The following SIN3B variants were observed in gnomAD, a reference collection of about 807,000 sequenced individuals.
SIN3B encodes the protein paired amphipathic helix protein Sin3b.
In SIN3B, 19 loss-of-function variants were observed where a neutral mutation model predicts 120.2. The ratio of observed to expected loss-of-function variants is 0.16; its 90% CI spans 0.11 to 0.23. The LOEUF is 0.23. SIN3B is among the 10% of genes least tolerant of loss of function. The pLI, the probability that SIN3B is intolerant of heterozygous loss-of-function variation, is 1.00. For synonymous variants in SIN3B, 654 were observed against 653.2 expected (o/e 1.00, Z -0.02); for missense variants, 1,073 against 1,573.0 (o/e 0.68, Z 5.38).
At chr19:16,873,541 G>T (rs1280039146) in intron 14 of SIN3B, among the ~76,000 whole-genome samples, 1 of 151,410 alleles carries the variant, frequency 6.6e-6, no homozygotes, top group African/African-American at 2.4e-5. Context: ...CCCCAGGCTG[G>T]GCACCCCTCA....
rs774398534 is a variant in SIN3B at position 16,847,032 on chromosome 19, C to T, written c.645C>T (p.Thr215=). The T allele has an allele frequency of 5.6e-6, 9 of 1,614,040 alleles. No individual in the cohort carries two copies. Among genetic ancestry groups the T allele is most frequent in the East Asian group, 2.2e-5 (1 of 44,892 alleles). ...GCATGTCTGAAGAGGAGGTGTTCAC[C>T]GAGGTGGCCAACCTCTTCCGGGGCC... The part of the protein sequence containing the change: ...FRGMSEEEVF[T]EVANLFRGQE... Residue 215 remains threonine, a synonymous_variant, in exon 5 of 19, where the codon ACC becomes ACT. Coordinates refer to ENST00000248054, the MANE Select transcript of SIN3B (RefSeq NM_001297595.2).
At chr19:16,829,972 C>A in intron 2 of SIN3B, 75 bp downstream of exon 2, 1 of 951,532 alleles carries the variant, frequency 1.1e-6, no homozygotes, top group Non-Finnish European at 1.7e-6. Flanking sequence ...GAGACCTCCC[C>A]TCTCCAGCCT....
chr19:16,859,202 G>T (rs1262147942), intron 8 of SIN3B, among the ~76,000 whole-genome samples: 1 of 152,172 alleles, frequency 6.6e-6, no homozygotes, highest in Non-Finnish European at 1.5e-5. Context: ...ACTTACTCTA[G>T]GACAAGCACT....
At chr19:16,872,880 G>A (rs985620520) in intron 14 of SIN3B, among the ~76,000 whole-genome samples, 7 of 152,104 alleles carry the variant, frequency 4.6e-5, no homozygotes, top group Non-Finnish European at 1.0e-4. Flanking sequence ...CAAGGATTCC[G>A]AGGAACGACC....
rs1971678683 is a variant in SIN3B, at chr19:16,860,829, G to A, written c.1059-1523G>A. On this transcript the variant is annotated intron_variant, in intron 8 of 18. Transcript: ENST00000248054. ...ACCGTGGTCTCGATCTCCTGACCTC[G>A]TGATCCGCCCGCCTCGGCCTCCCAA... Among the ~76,000 whole-genome samples the A allele has an allele frequency of 2.0e-5, 3 of 151,740 alleles. 1 individual carries two copies. The highest frequency in any genetic ancestry group is 7.3e-5 in the African/African-American group (3 of 41,318).
chr19:16,839,449 G>C (rs1971389295), intron 3 of SIN3B, among the ~76,000 whole-genome samples: 1 of 152,156 alleles, frequency 6.6e-6, no homozygotes, highest in South Asian at 2.1e-4. Context: ...CCCTGGTCTA[G>C]AGCGTGGTTC....
At chr19:16,858,543 C>A (rs934553045) in intron 8 of SIN3B, among the ~76,000 whole-genome samples, 2 of 152,034 alleles carry the variant, frequency 1.3e-5, no homozygotes, top group Non-Finnish European at 2.9e-5. Context: ...ATATTTGATG[C>A]GTTTCAATAC....
chr19:16,836,551 T>C (rs868649474), intron 3 of SIN3B, among the ~76,000 whole-genome samples: 6 of 152,346 alleles, frequency 3.9e-5, no homozygotes, highest in East Asian at 3.9e-4. Flanking sequence ...TTGTTTCTTA[T>C]TGGTTTTCCT....
chr19:16,857,137 C>G (rs1362146297), intron 8 of SIN3B, among the ~76,000 whole-genome samples: 2 of 152,114 alleles, frequency 1.3e-5, no homozygotes, highest in Non-Finnish European at 2.9e-5. Flanking sequence ...TTTCCAGTTA[C>G]AAAATATAGT....
Position 16,878,933 on chromosome 19 carries a change from C to G in SIN3B, c.*206C>G. Reference sequence around the variant, plus strand: ...GTGTGCCAAACCTGAGCTACCTGCACCCGAGCCCTGGGGCTCAGCCCCACC... The same window carrying G: ...GTGTGCCAAACCTGAGCTACCTGCAGCCGAGCCCTGGGGCTCAGCCCCACC... On this transcript the variant is annotated 3_prime_UTR_variant, in exon 19 of 19. Coordinates refer to ENST00000248054, the MANE Select transcript of SIN3B (RefSeq NM_001297595.2). The G allele has an allele frequency of 1.7e-6, 1 of 580,120 alleles. No homozygotes were observed. Among genetic ancestry groups the G allele is most frequent in the Non-Finnish European group, 3.0e-6 (1 of 330,438 alleles). 35.9% of individuals were successfully genotyped at this position (580,120 alleles called of 1,614,324 possible).
intron 3 of SIN3B, among the ~76,000 whole-genome samples, chr19:16,838,541 T>C (rs1334166348): frequency 6.6e-6 from 1 of 152,224 alleles, no homozygotes; most frequent in Non-Finnish European, 1.5e-5. Flanking sequence ...CATTCTCCAC[T>C]GTATGGCAGG....
chr19:16,877,374 T>C (rs1363581312), intron 16 of SIN3B, 171 bp from the exon 17 acceptor site: 8 of 601,288 alleles, frequency 1.3e-5, no homozygotes, highest in Admixed American at 2.8e-5. Flanking sequence ...TCAAGAGCTA[T>C]AGTCTGTTGG....
At chr19:16,857,071 A>G (rs950505773) in intron 8 of SIN3B, among the ~76,000 whole-genome samples, 8 of 152,216 alleles carry the variant, frequency 5.3e-5, no homozygotes, top group African/African-American at 1.4e-4. Flanking sequence ...TCATATATCA[A>G]CTTTGGAAAT....
chr19:16,829,469 GCGGGCC>G lies in SIN3B; in HGVS notation c.50_55del (p.Ala17_Arg19delinsGly), dbSNP rs1255315062. ...CGGTGGCAGCGGTGCCGGCGGCCCC[GCGGGCC>G]GGGGGCTGAGCGGCGCCCGCTGGGG... On this transcript the variant is annotated inframe_deletion, in exon 1 of 19. Coordinates refer to ENST00000248054, the MANE Select transcript of SIN3B (RefSeq NM_001297595.2). 2 of 1,217,306 alleles carry G rather than the reference GCGGGCC, an allele frequency of 1.6e-6. No homozygotes were observed. Among genetic ancestry groups the G allele is most frequent in the Admixed American group, 8.6e-5 (2 of 23,122 alleles). The allele number at this position is 1,217,306 out of a possible 1,614,324, so 75.4% of individuals were successfully genotyped here. A position where few individuals can be genotyped will look rare whatever the true frequency, so the allele number is the denominator to read the frequency against.
At chr19:16,857,500 A>G (rs535976170) in intron 8 of SIN3B, among the ~76,000 whole-genome samples, 8 of 138,642 alleles carry the variant, frequency 5.8e-5, no homozygotes, top group Non-Finnish European at 1.1e-4. Context: ...GCCCTTTTGC[A>G]TTAACTTAAA....
At chr19:16,878,422 G>A in intron 18 of SIN3B, 32 bp downstream of exon 18, 2 of 1,597,256 alleles carry the variant, frequency 1.3e-6, no homozygotes, top group Non-Finnish European at 8.5e-7. Context: ...GCCCCGACAT[G>A]CCCCTCCTCA....
chr19:16,853,743 T>G (rs1455815307), intron 7 of SIN3B, among the ~76,000 whole-genome samples: 2 of 149,518 alleles, frequency 1.3e-5, no homozygotes, highest in Non-Finnish European at 3.0e-5. Flanking sequence ...ATGCACGAAC[T>G]GAATTGCTGC....
At chr19:16,841,318 A>G (rs992467021) in intron 3 of SIN3B, among the ~76,000 whole-genome samples, 2 of 152,060 alleles carry the variant, frequency 1.3e-5, no homozygotes, top group Non-Finnish European at 2.9e-5. Context: ...TCTAACCTCC[A>G]GGGTCCCCAT....
chr19:16,867,641 C>T (rs747413728), intron 12 of SIN3B, among the ~76,000 whole-genome samples: 1 of 152,196 alleles, frequency 6.6e-6, no homozygotes, highest in Non-Finnish European at 1.5e-5. Flanking sequence ...GGTGTTGCCT[C>T]ACCTGATTTG....
Sources: allele counts gnomAD v4.1 joint callset (sites outside exome capture counted in the v4.1 genomes callset), GRCh38; gene constraint gnomAD v4.1.1; transcripts MANE v1.5; gene names NCBI Gene and HGNC (gene_info 2026-07-23, HGNC 2026-07-21).